The following COL24A1 variants were observed in gnomAD, a reference collection of about 807,000 sequenced individuals.
The protein encoded by COL24A1 is collagen alpha-1(XXIV) chain.
COL24A1 carries 224 observed loss-of-function variants against 253.9 expected under a neutral mutation model. The ratio of observed to expected loss-of-function variants is 0.88; its 90% CI spans 0.79 to 0.99. The LOEUF is 0.99. COL24A1 is among the 50% of genes least tolerant of loss of function. COL24A1 has a pLI of 0.00. For synonymous variants in COL24A1, 685 were observed against 673.7 expected (o/e 1.02, Z -0.26); for missense variants, 2,131 against 2,068.5 (o/e 1.03, Z -0.59).
intron 37 of COL24A1, among the ~76,000 whole-genome samples, chr1:85,860,696 G>A (rs563318297): frequency 2.6e-5 from 4 of 152,176 alleles, no homozygotes; most frequent in South Asian, 2.1e-4. Context: ...AGCCAAGATC[G>A]TGCCACTGCA....
chr1:86,011,590 C>T (rs1368909174), intron 19 of COL24A1, among the ~76,000 whole-genome samples: 1 of 152,204 alleles, frequency 6.6e-6, no homozygotes, highest in African/African-American at 2.4e-5. Flanking sequence ...CTTCTCTGTT[C>T]CAGCTCCTGT....
chr1:85,962,271 G>GA (rs1691158311), intron 23 of COL24A1, among the ~76,000 whole-genome samples: 1 of 152,130 alleles, frequency 6.6e-6, no homozygotes, highest in South Asian at 2.1e-4. Context: ...CATAACCTCT[G>GA]AAACAAAATT....
intron 47 of COL24A1, among the ~76,000 whole-genome samples, chr1:85,811,047 A>G (rs745591062): frequency 8.5e-5 from 13 of 152,190 alleles, no homozygotes; most frequent in African/African-American, 1.2e-4. Flanking sequence ...TGAGATCACA[A>G]TATTCATCCT....
chr1:86,056,414 G>A (rs1700664996), intron 10 of COL24A1, among the ~76,000 whole-genome samples: 1 of 152,108 alleles, frequency 6.6e-6, no homozygotes, highest in Admixed American at 6.5e-5. Flanking sequence ...GGGGATGACA[G>A]GCCTGTTCTC....
intron 43 of COL24A1, among the ~76,000 whole-genome samples, chr1:85,829,022 T>C (rs1341376531): frequency 1.3e-5 from 2 of 152,192 alleles, no homozygotes; most frequent in East Asian, 3.8e-4. Flanking sequence ...CTAGTCTTGA[T>C]GGTCTTTACA....
chr1:85,961,117 A>T, intron 24 of COL24A1, 132 bp downstream of exon 24: 2 of 690,672 alleles, frequency 2.9e-6, no homozygotes, highest in Non-Finnish European at 5.1e-6. Context: ...ATCACAAGTA[A>T]GTTTAAATTT....
At chr1:85,860,941 C>T (rs6657706) in intron 37 of COL24A1, among the ~76,000 whole-genome samples, 31,608 of 152,036 alleles carry the variant, frequency 0.21, 3,717 homozygotes, top group Non-Finnish European at 0.26. Flanking sequence ...TCTACTTTTT[C>T]GCTCTTATAA....
chr1:85,983,399 C>T (rs1305819316), intron 20 of COL24A1, among the ~76,000 whole-genome samples: 1 of 151,888 alleles, frequency 6.6e-6, no homozygotes, highest in African/African-American at 2.4e-5. Flanking sequence ...CATACAAATC[C>T]ACAATCAGTA....
chr1:85,992,061 A>G (rs986958430), intron 19 of COL24A1, among the ~76,000 whole-genome samples: 4 of 151,816 alleles, frequency 2.6e-5, no homozygotes, highest in Non-Finnish European at 5.9e-5. Flanking sequence ...TCCTAATGCT[A>G]TCCCTCTCCA....
intron 37 of COL24A1, among the ~76,000 whole-genome samples, chr1:85,855,844 T>C (rs1184444601): frequency 6.6e-6 from 1 of 152,130 alleles, no homozygotes; most frequent in Non-Finnish European, 1.5e-5. Context: ...GGTTGGTAGG[T>C]TTCTAAGTCA....
intron 57 of COL24A1, among the ~76,000 whole-genome samples, chr1:85,743,619 G>C (rs1234251282): frequency 1.3e-5 from 2 of 152,052 alleles, no homozygotes; most frequent in African/African-American, 4.8e-5. Flanking sequence ...AAGGAAGGTA[G>C]ACTTTGAATT....
intron 26 of COL24A1, 99 bp from the exon 27 acceptor site, chr1:85,908,750 G>A (rs1685084980): frequency 2.1e-6 from 1 of 479,848 alleles, no homozygotes; most frequent in African/African-American, 2.0e-5. Context: ...AATAAAAAGG[G>A]ATAATTTGAC....
Position 85,744,646 on chromosome 1 carries a change from T to G in COL24A1, c.4672+20A>C. The G allele has an allele frequency of 1.3e-6, 2 of 1,574,574 alleles. No individual in the cohort carries two copies. The highest frequency in any genetic ancestry group is 1.7e-6 in the Non-Finnish European group (2 of 1,152,546). ...TGAAATGAAATTCACTATCAGAGTT[T>G]GAGGTAACCAAGAACTTACCATCTG... On this transcript the variant is annotated intron_variant, in intron 57 of 59. Coordinates refer to ENST00000370571, the MANE Select transcript of COL24A1 (RefSeq NM_152890.7).
At position 85,732,853 on chromosome 1, in the gene COL24A1, T is replaced by C. The variant is rs948189695; in HGVS notation, c.4998+1896A>G. On this transcript the variant is annotated intron_variant, in intron 59 of 59. Coordinates refer to ENST00000370571, the MANE Select transcript of COL24A1 (RefSeq NM_152890.7). ...AACATATAATAAAACTCCCAATAAA[T>C]AGTAGTAGGAGCTGTTGATATTATT... is the stretch of plus-strand genomic sequence containing the variant. Among the ~76,000 whole-genome samples, 3 of 152,138 alleles carry C rather than the reference T, an allele frequency of 2.0e-5. No individual in the cohort carries two copies. The East Asian group carries it at 5.8e-4, about 29-fold the overall frequency.
intron 19 of COL24A1, among the ~76,000 whole-genome samples, chr1:86,000,195 C>T (rs1695264204): frequency 6.6e-6 from 1 of 152,138 alleles, no homozygotes; most frequent in South Asian, 2.1e-4. Context: ...ATGAACCCTT[C>T]TCTATCCTTT....
At position 86,011,154 on chromosome 1, in the gene COL24A1, T is replaced by C. The variant is rs1029321030; in HGVS notation, c.2310+5997A>G. ...AATTAAAGTTTAATATAATTATACTTTTAATATGAGTTTCCTTACATGGTT... is the reference window on the plus strand; with the variant it reads ...AATTAAAGTTTAATATAATTATACTCTTAATATGAGTTTCCTTACATGGTT... On this transcript the variant is annotated intron_variant, in intron 19 of 59. Coordinates refer to ENST00000370571, the MANE Select transcript of COL24A1 (RefSeq NM_152890.7). Among the ~76,000 whole-genome samples, 9 of 151,398 alleles carry C rather than the reference T, an allele frequency of 5.9e-5. 1 individual carries two copies. Among genetic ancestry groups the C allele is most frequent in the African/African-American group, 2.2e-4 (9 of 40,898 alleles).
At chr1:85,970,654 A>T (rs1692067415) in intron 21 of COL24A1, among the ~76,000 whole-genome samples, 1 of 152,214 alleles carries the variant, frequency 6.6e-6, no homozygotes, top group Non-Finnish European at 1.5e-5. Flanking sequence ...TGAATAATAC[A>T]TACAGACCTC....
chr1:86,022,450 C>T (rs774980035), intron 17 of COL24A1, 88 bp downstream of exon 17: 12 of 1,346,300 alleles, frequency 8.9e-6, no homozygotes, highest in Non-Finnish European at 1.3e-5. Flanking sequence ...CACATTCTAA[C>T]ACAATACATG....
chr1:86,065,146 G>GCTC lies in COL24A1; in HGVS notation c.1708-1388_1708-1387insGAG, dbSNP rs1254513834. On this transcript the variant is annotated intron_variant, in intron 7 of 59. Transcript: ENST00000370571. ...TGGAGGATGACAAATAAAGAGCCAG[G>GCTC]GTAGGAGGCTCATAGGTTACAGAGA... Among the ~76,000 whole-genome samples the GCTC allele has an allele frequency of 3.9e-4, 59 of 152,048 alleles. 1 individual carries two copies. The highest frequency in any genetic ancestry group is 3.3e-3 in the Admixed American group (50 of 15,264).
Sources: allele counts gnomAD v4.1 joint callset (sites outside exome capture counted in the v4.1 genomes callset), GRCh38; gene constraint gnomAD v4.1.1; transcripts MANE v1.5; gene names NCBI Gene and HGNC (gene_info 2026-07-23, HGNC 2026-07-21).